COL2A1: variants seen among roughly 807,000 people sequenced by gnomAD.
The protein encoded by COL2A1 is collagen alpha-1(II) chain.
COL2A1 carries 28 observed loss-of-function variants against 204.5 expected under a neutral mutation model. The observed-to-expected ratio is 0.14, with a 90% CI of 0.10 to 0.19. The LOEUF is 0.19. Among genes scored for constraint, COL2A1 ranks in the 10% least tolerant of loss-of-function variants. The pLI is 1.00. For missense variants in COL2A1, 1,388 were observed against 2,027.5 expected (o/e 0.68, Z 6.06); for synonymous variants, 708 against 718.7 (o/e 0.99, Z 0.24).
chr12:47,993,557 A>G (rs1939807307), intron 14 of COL2A1, 55 bp from the exon 15 acceptor site: 1 of 1,518,234 alleles, frequency 6.6e-7, no homozygotes, highest in Non-Finnish European at 9.1e-7. Context: ...GGCCGCCAGC[A>G]AACTCCTAGG....
intron 1 of COL2A1, among the ~76,000 whole-genome samples, chr12:48,003,466 A>G (rs954067436): frequency 6.6e-6 from 1 of 152,164 alleles, no homozygotes; most frequent in Non-Finnish European, 1.5e-5. Flanking sequence ...GCATTTGAAA[A>G]GCACGGTCTG....
chr12:47,987,512 G>T lies in COL2A1; in HGVS notation c.1221+99C>A. On this transcript the variant is annotated intron_variant, in intron 19 of 53. Coordinates refer to ENST00000380518, the MANE Select transcript of COL2A1 (RefSeq NM_001844.5). This position sits in a 1 kb window ranked among gnomAD's most constrained non-coding sequence, Gnocchi z 4.1. ...AGGCATTGGGCCAGAATGAAGGTTT[G>T]GTGGTTGGAGCCCACAACTGTCAGA... 1 of 1,172,714 alleles carries T rather than the reference G, an allele frequency of 8.5e-7. No individual in the cohort carries two copies. Among genetic ancestry groups the T allele is most frequent in the South Asian group, 1.3e-5 (1 of 77,244 alleles). The allele number at this position is 1,172,714 out of a possible 1,614,324, so 72.6% of individuals were successfully genotyped here.
At position 47,998,058 on chromosome 12, in the gene COL2A1, C is replaced by G. The variant is rs755974820; in HGVS notation, c.349G>C (p.Gly117Arg). Residue 117 changes from glycine to arginine, a missense_variant, in exon 5 of 54, where the codon GGA (glycine) becomes CGA (arginine). Around this residue, in one of 3 missense-constraint regions of COL2A1, gnomAD observed 201 missense variants for 242.4 expected, o/e 0.83. Coordinates refer to ENST00000380518, the MANE Select transcript of COL2A1 (RefSeq NM_001844.5). Reference protein sequence around the residue: ...GEPGDIKDIVGPKGPPGPQGP... With the variant: ...GEPGDIKDIVRPKGPPGPQGP... ...TGAGGCCCAGGAGGTCCTTTGGGTC[C>G]TACAATCTGTGAGAGAGAGCCCCAC... The G allele has an allele frequency of 1.2e-6, 2 of 1,614,168 alleles. No homozygotes were observed. Among genetic ancestry groups the G allele is most frequent in the Admixed American group, 3.3e-5 (2 of 60,014 alleles).
chr12:47,994,252 A>G (rs1046217924), intron 12 of COL2A1, among the ~76,000 whole-genome samples, 172 bp downstream of exon 12: 3 of 152,210 alleles, frequency 2.0e-5, no homozygotes, highest in East Asian at 3.8e-4. Flanking sequence ...ACAACTGCCC[A>G]GCCTCCCTCA....
Position 47,989,297 on chromosome 12 carries a change from G to C in COL2A1, c.1069-16C>G. The C allele has an allele frequency of 6.2e-7, 1 of 1,610,810 alleles. No homozygotes were observed. Among genetic ancestry groups the C allele is most frequent in the Non-Finnish European group, 8.5e-7 (1 of 1,178,894 alleles). The stretch of plus-strand genomic sequence containing the variant: ...CGACAGGACCCTGGAGAGAGTAGGC[G>C]GATGAGAAGAGAGGTGAATGCCAGT... On this transcript the variant is annotated splice_polypyrimidine_tract_variant and intron_variant, in intron 17 of 53. Coordinates refer to ENST00000380518, the MANE Select transcript of COL2A1 (RefSeq NM_001844.5).
chr12:48,004,013 A>G (rs142120076), intron 1 of COL2A1: 706 of 568,814 alleles, frequency 1.2e-3, no homozygotes, highest in Admixed American at 4.4e-3. Context: ...ACCTGCAAAT[A>G]CTTGCAACTG....
At chr12:48,002,603 G>A (rs1940283509) in intron 1 of COL2A1, 1 of 152,332 alleles carries the variant, frequency 6.6e-6, no homozygotes, top group South Asian at 2.1e-4. Flanking sequence ...AATTAAGCAA[G>A]CGACCCTAAT....
intron 29 of COL2A1, 51 bp downstream of exon 29, chr12:47,984,036 C>T (rs759363096): frequency 4.2e-5 from 65 of 1,534,590 alleles, no homozygotes; most frequent in Non-Finnish European, 5.3e-5. Flanking sequence ...ACCCCCACCC[C>T]TCCCAGCCCC....
intron 40 of COL2A1, 59 bp downstream of exon 40, chr12:47,979,950 G>A (rs1178713322): frequency 2.8e-6 from 4 of 1,437,050 alleles, no homozygotes; most frequent in Non-Finnish European, 3.8e-6. Flanking sequence ...CGCCATGGGA[G>A]CCTCTGGGGC....
Position 47,978,498 on chromosome 12 carries a change from C to G in COL2A1, c.2895+99G>C. ...GTGCAGCCCCGCTCCCTGGCATCCC[C>G]ACGGCCCCTGCTCCCTCCTACCCCA... On this transcript the variant is annotated intron_variant, in intron 42 of 53. Coordinates refer to ENST00000380518, the MANE Select transcript of COL2A1 (RefSeq NM_001844.5). The surrounding 1 kb of genome is among the most constrained non-coding windows in gnomAD (Gnocchi z 5.5). The G allele has an allele frequency of 6.3e-7, 1 of 1,577,150 alleles. No homozygotes were observed. The highest frequency in any genetic ancestry group is 8.6e-7 in the Non-Finnish European group (1 of 1,156,982).
chr12:47,993,454 T>C lies in COL2A1; in HGVS notation c.969+4A>G. 1 of 1,611,350 alleles carries C rather than the reference T, an allele frequency of 6.2e-7. No individual in the cohort carries two copies. Among genetic ancestry groups the C allele is most frequent in the Non-Finnish European group, 8.5e-7 (1 of 1,177,446 alleles). On this transcript the variant is annotated splice_donor_region_variant and intron_variant, in intron 15 of 53. Coordinates refer to ENST00000380518, the MANE Select transcript of COL2A1 (RefSeq NM_001844.5). Reference sequence around the variant, plus strand: ...AAACCTTCCTGGAGGGTGTCCATACTTACCATTGGGCCCGGAGATCCGTTC... The same window carrying C: ...AAACCTTCCTGGAGGGTGTCCATACCTACCATTGGGCCCGGAGATCCGTTC...
chr12:48,003,407 C>A (rs749798965), intron 1 of COL2A1, among the ~76,000 whole-genome samples: 18 of 151,942 alleles, frequency 1.2e-4, no homozygotes, highest in Non-Finnish European at 2.1e-4. Context: ...TACCTCGGGG[C>A]GGCGGGGAAT....
intron 45 of COL2A1, 28 bp downstream of exon 45, chr12:47,977,572 A>C: frequency 6.2e-6 from 10 of 1,613,362 alleles, no homozygotes; most frequent in Non-Finnish European, 8.5e-6. Flanking sequence ...TCCCCAACCC[A>C]CTGCACACAC....
rs1230557190 is a variant in COL2A1 at position 47,982,957 on chromosome 12, G to A, written c.2095-11C>T. 8.1e-6 allele frequency: 13 copies of A among 1,613,356 alleles called. No individual in the cohort carries two copies. The South Asian group carries it at 1.4e-4, about 18-fold the overall frequency. On this transcript the variant is annotated splice_polypyrimidine_tract_variant and intron_variant, in intron 32 of 53. Transcript: ENST00000380518. ...GAAACCTCGTTCACCCTGCGGCAGA[G>A]ACACCAAGAAGTGATCAACCAACAG...
Position 47,974,092 on chromosome 12 carries a change from G to A in COL2A1, c.4314C>T (p.Cys1438=). 2 of 1,614,182 alleles carry A rather than the reference G, an allele frequency of 1.2e-6. No homozygotes were observed. The highest frequency in any genetic ancestry group is 1.7e-6 in the Non-Finnish European group (2 of 1,180,036). Residue 1438 remains cysteine (C), a synonymous_variant, in exon 53 of 54, where the codon TGC becomes TGT. Coordinates refer to ENST00000380518, the MANE Select transcript of COL2A1 (RefSeq NM_001844.5). ...RFTYTALKDG[C]TKHTGKWGKT... is the part of the protein sequence containing the mutation. The stretch of plus-strand genomic sequence containing the variant: ...TCTCTCTGGCAGCCCCACTCACCGT[G>A]CAGCCATCCTTCAGGGCAGTGTACG...
At position 47,982,565 on chromosome 12, in the gene COL2A1, T is replaced by A. The variant is rs755667854; in HGVS notation, c.2238A>T (p.Pro746=). 6.2e-7 allele frequency: 1 copy of A among 1,613,762 alleles called. No homozygotes were observed. The highest frequency in any genetic ancestry group is 1.7e-5 in the Admixed American group (1 of 60,012). ...TCTCGCCAGGCATTCCCTGAAGACC[T>A]GGAGGGCCCTGAGCCCCAGGGGGGC... ...PAGPPGAQGP[P]GLQGMPGERG... is the part of the protein sequence containing the mutation. The change falls in exon 34 of 54, where the codon CCA becomes CCT. Residue 746 remains proline, a synonymous_variant. Coordinates refer to ENST00000380518, the MANE Select transcript of COL2A1 (RefSeq NM_001844.5).
chr12:47,978,149 A>T lies in COL2A1; in HGVS notation c.3004-32T>A, dbSNP rs1180283938. On this transcript the variant is annotated intron_variant, in intron 43 of 53. Coordinates refer to ENST00000380518, the MANE Select transcript of COL2A1 (RefSeq NM_001844.5). This position sits in a 1 kb window ranked among gnomAD's most constrained non-coding sequence, Gnocchi z 5.5. ...GGACAGAGACAAGGATGATGAGTGC[A>T]AGTGGTAAGCACCCCTGCCCAGGGC... The T allele has an allele frequency of 6.2e-7, 1 of 1,601,154 alleles. No homozygotes were observed. Among genetic ancestry groups the T allele is most frequent in the East Asian group, 2.2e-5 (1 of 44,556 alleles).
chr12:47,976,777 G>T lies in COL2A1; in HGVS notation c.3435+35C>A. ...TCAAGTGGGCTCTGTGTGGCAGGAG[G>T]CCTCGGGAAGTCCCACGCAGGCAGT... On this transcript the variant is annotated intron_variant, in intron 48 of 53. Coordinates refer to ENST00000380518, the MANE Select transcript of COL2A1 (RefSeq NM_001844.5). This position sits in a 1 kb window ranked among gnomAD's most constrained non-coding sequence, Gnocchi z 4.3. 6.3e-7 allele frequency: 1 copy of T among 1,575,728 alleles called. No individual in the cohort carries two copies.
At position 47,983,150 on chromosome 12, in the gene COL2A1, G is replaced by A. The variant is rs1381821532; in HGVS notation, c.2050-13C>T. On this transcript the variant is annotated splice_polypyrimidine_tract_variant and intron_variant, in intron 31 of 53. Transcript: ENST00000380518. Reference sequence around the variant, plus strand: ...CACCGGGAACACCCTGGAGAACAAAGAAAGATGTGTGAGAGTGAAGGCTTC... The same window carrying A: ...CACCGGGAACACCCTGGAGAACAAAAAAAGATGTGTGAGAGTGAAGGCTTC... The A allele has an allele frequency of 6.2e-7, 1 of 1,612,952 alleles. No homozygotes were observed. The highest frequency in any genetic ancestry group is 8.5e-7 in the Non-Finnish European group (1 of 1,179,538).
Sources: gnomAD v4.1 joint callset for allele counts (sites outside exome capture counted in the v4.1 genomes callset) on GRCh38, gnomAD v4.1.1 for gene constraint, gnomAD v4.1.1 regional missense constraint, Gnocchi (gnomAD v3.1) non-coding constraint, MANE v1.5 for transcripts, NCBI Gene and HGNC (gene_info 2026-07-23, HGNC 2026-07-21) for gene names.